PKHD1: variants seen among roughly 807,000 people sequenced by gnomAD.
The protein encoded by PKHD1 is fibrocystin.
Under a neutral mutation model 412.0 loss-of-function variants are expected in PKHD1, and 291 were observed. The observed-to-expected ratio is 0.71, with a 90% confidence interval of 0.64 to 0.78. PKHD1 has a LOEUF of 0.78. PKHD1 is among the 30% of genes least tolerant of loss of function. The pLI, the probability that PKHD1 is intolerant of heterozygous loss-of-function variation, is 0.00. For missense variants in PKHD1, 4,825 were observed against 4,950.7 expected (o/e 0.97, Z 0.76); for synonymous variants, 1,777 against 1,821.5 (o/e 0.98, Z 0.62).
intron 4 of PKHD1, among the ~76,000 whole-genome samples, chr6:52,081,977 T>G (rs953296612): frequency 1.3e-5 from 2 of 152,160 alleles, no homozygotes; most frequent in Non-Finnish European, 2.9e-5. Context: ...ATAGAGGTAA[T>G]GTCAAACTCA....
intron 36 of PKHD1, among the ~76,000 whole-genome samples, chr6:51,939,954 C>T (rs377577537): frequency 2.6e-5 from 4 of 151,680 alleles, no homozygotes; most frequent in South Asian, 2.1e-4. Flanking sequence ...ATCCCTCCCC[C>T]ACCTGCCCAG....
chr6:51,634,351 T>A (rs1301585118), intron 64 of PKHD1, among the ~76,000 whole-genome samples: 1 of 152,216 alleles, frequency 6.6e-6, no homozygotes, highest in East Asian at 1.9e-4. Flanking sequence ...ATCATGTATC[T>A]GAGCCATATT....
At chr6:51,699,924 T>TGTGC (rs2150694669) in intron 60 of PKHD1, among the ~76,000 whole-genome samples, 1 of 149,186 alleles carries the variant, frequency 6.7e-6, no homozygotes, top group East Asian at 2.0e-4. Context: ...ATATGGAGTG[T>TGTGC]GTGTGTGTGT....
At chr6:51,855,803 C>A (rs1452335416) in intron 49 of PKHD1, 90 bp downstream of exon 49, 12 of 1,006,752 alleles carry the variant, frequency 1.2e-5, no homozygotes, top group South Asian at 6.4e-5. Context: ...AACGAGATAA[C>A]CTGCTCCTCT....
At chr6:51,970,392 C>T (rs1000605418) in intron 35 of PKHD1, among the ~76,000 whole-genome samples, 4 of 152,150 alleles carry the variant, frequency 2.6e-5, no homozygotes, top group Non-Finnish European at 1.5e-5. Flanking sequence ...TTCTACTGTT[C>T]TGCAGGTTAT....
At chr6:51,920,243 G>A (rs2127706007) in intron 37 of PKHD1, among the ~76,000 whole-genome samples, 1 of 152,326 alleles carries the variant, frequency 6.6e-6, no homozygotes, top group East Asian at 1.9e-4. Context: ...TGCCCATTCA[G>A]TATGATATTG....
rs1328724564 is a variant in PKHD1 at position 51,994,134 on chromosome 6, C to CT, written c.5751+16174dup. Among the ~76,000 whole-genome samples the CT allele has an allele frequency of 9.9e-5, 12 of 121,594 alleles. No individual in the cohort carries two copies. The Admixed American group carries it at 1.2e-3, about 12-fold the overall frequency. 79.8% of individuals were successfully genotyped at this position (121,594 alleles called of 152,430 possible). A position where few individuals can be genotyped will look rare whatever the true frequency, so the allele number is the denominator to read the frequency against. On this transcript the variant is annotated intron_variant, in intron 35 of 66. Coordinates refer to ENST00000371117, the MANE Select transcript of PKHD1 (RefSeq NM_138694.4). ...TACTTCACTACAGAACACTTTTTTT[C>CT]TTTCTTTTTTTTTTTTTTGAGACAC...
chr6:51,790,798 T>G (rs1023331027), intron 53 of PKHD1, among the ~76,000 whole-genome samples: 1 of 152,204 alleles, frequency 6.6e-6, no homozygotes, highest in Non-Finnish European at 1.5e-5. Flanking sequence ...TAGCTTTGCT[T>G]TCAAGTCTGT....
At chr6:51,848,171 A>G (rs1004720277) in intron 49 of PKHD1, among the ~76,000 whole-genome samples, 1 of 152,212 alleles carries the variant, frequency 6.6e-6, no homozygotes, top group Non-Finnish European at 1.5e-5. Flanking sequence ...ATTCATAACT[A>G]GAGCTACAAA....
chr6:51,837,284 A>G (rs6908319), intron 50 of PKHD1, among the ~76,000 whole-genome samples: 84,349 of 152,068 alleles, frequency 0.55, 24,465 homozygotes, highest in African/African-American at 0.69. Flanking sequence ...CCACTGGAGC[A>G]CCCCTTGTTG....
chr6:51,738,915 C>A (rs909481620), intron 60 of PKHD1, among the ~76,000 whole-genome samples: 1 of 152,036 alleles, frequency 6.6e-6, no homozygotes, highest in African/African-American at 2.4e-5. Context: ...TTCGCCTGCA[C>A]ACAAGACACA....
Position 51,618,954 on chromosome 6 carries a change from A to G in PKHD1, c.*127T>C. On this transcript the variant is annotated 3_prime_UTR_variant, in exon 67 of 67. Coordinates refer to ENST00000371117, the MANE Select transcript of PKHD1 (RefSeq NM_138694.4). Reference sequence around the variant, plus strand: ...CTGTTTTCCATTTTAAAGTTGAAAAAGGGATTCAGAGTCCACATTCTCTCT... The same window carrying G: ...CTGTTTTCCATTTTAAAGTTGAAAAGGGGATTCAGAGTCCACATTCTCTCT... 11 of 858,552 alleles carry G rather than the reference A, an allele frequency of 1.3e-5. No individual in the cohort carries two copies. The highest frequency in any genetic ancestry group is 1.8e-5 in the Admixed American group (1 of 54,322). 53.2% of individuals were successfully genotyped at this position (858,552 alleles called of 1,614,324 possible). A position where few individuals can be genotyped will look rare whatever the true frequency, so the allele number is the denominator to read the frequency against.
Position 51,659,906 on chromosome 6 carries a change from T to TG in PKHD1, c.10219dup (p.Gln3407ProfsTer3). ...AAGAATTAGGACCACTTGGTCAGTC[T>TG]GTTTGCAGATGAATCCTTGCATCAG... On this transcript the variant is annotated frameshift_variant, in exon 61 of 67. Transcript: ENST00000371117. LOFTEE classifies it high-confidence loss of function. 6.2e-7 allele frequency: 1 copy of TG among 1,612,520 alleles called. No individual in the cohort carries two copies. The highest frequency in any genetic ancestry group is 8.5e-7 in the Non-Finnish European group (1 of 1,178,738).
intron 60 of PKHD1, among the ~76,000 whole-genome samples, chr6:51,686,698 G>A (rs1425002804): frequency 6.6e-6 from 1 of 152,140 alleles, no homozygotes; most frequent in Non-Finnish European, 1.5e-5. Flanking sequence ...TATTTGTCTA[G>A]TTTTGACACT....
chr6:51,870,843 C>T (rs186090678), intron 46 of PKHD1, among the ~76,000 whole-genome samples: 151 of 151,276 alleles, frequency 1.0e-3, no homozygotes, highest in Non-Finnish European at 1.5e-3. Flanking sequence ...AAATAGACAA[C>T]GCAATTCAAA....
chr6:52,037,021 ATCTT>A (rs1804065929), intron 27 of PKHD1, among the ~76,000 whole-genome samples: 2 of 152,206 alleles, frequency 1.3e-5, no homozygotes, highest in African/African-American at 4.8e-5. Context: ...CTTCTGCCAT[ATCTT>A]ATACAGTAAC....
intron 35 of PKHD1, among the ~76,000 whole-genome samples, chr6:51,983,714 T>G (rs1795867773): frequency 6.6e-6 from 1 of 152,252 alleles, no homozygotes; most frequent in Non-Finnish European, 1.5e-5. Flanking sequence ...GCACAGCTCC[T>G]TACAAGCTGT....
chr6:51,958,178 G>C (rs2127936771), intron 36 of PKHD1, among the ~76,000 whole-genome samples: 1 of 152,114 alleles, frequency 6.6e-6, no homozygotes, highest in South Asian at 2.1e-4. Flanking sequence ...TATTCGTGCA[G>C]AAACTGGAAT....
intron 34 of PKHD1, among the ~76,000 whole-genome samples, chr6:52,015,563 G>A (rs1402710929): frequency 6.6e-6 from 1 of 151,802 alleles, no homozygotes; most frequent in Non-Finnish European, 1.5e-5. Flanking sequence ...AGTGGCTCAC[G>A]CCTGTAATCC....
Sources: allele counts gnomAD v4.1 joint callset (sites outside exome capture counted in the v4.1 genomes callset), GRCh38; gene constraint gnomAD v4.1.1; transcripts MANE v1.5; gene names NCBI Gene and HGNC (gene_info 2026-07-23, HGNC 2026-07-21).